The following LRP2 variants were observed in gnomAD, a reference collection of about 807,000 sequenced individuals.
LRP2 encodes the protein low-density lipoprotein receptor-related protein 2.
Under a neutral mutation model 531.0 loss-of-function variants are expected in LRP2, and 172 were observed. The observed-to-expected ratio is 0.32, with a 90% CI of 0.29 to 0.37. The LOEUF (loss-of-function observed/expected upper bound fraction) is 0.37, where lower values mean the gene tolerates loss of function less well. Ranked by LOEUF, LRP2 falls within the 10% of genes least tolerant of loss-of-function variation. LRP2 has a pLI of 1.00. For missense variants in LRP2, 5,167 were observed against 5,868.3 expected, an observed-to-expected ratio of 0.88 and a Z score of 3.90; for synonymous variants, 1,992 against 2,027.6, an observed-to-expected ratio of 0.98 and a Z score of 0.47.
intron 13 of LRP2, among the ~76,000 whole-genome samples, chr2:169,276,145 G>A (rs1468190875): frequency 1.3e-5 from 2 of 152,126 alleles, no homozygotes; most frequent in Non-Finnish European, 2.9e-5. Flanking sequence ...GAAACCTAAG[G>A]TGGCAGGTTA....
At chr2:169,274,562 C>A (rs1012271306) in intron 14 of LRP2, among the ~76,000 whole-genome samples, 1 of 152,052 alleles carries the variant, frequency 6.6e-6, no homozygotes, top group Non-Finnish European at 1.5e-5. Context: ...TTAATCAGAA[C>A]CAAAGAACAG....
intron 4 of LRP2, among the ~76,000 whole-genome samples, chr2:169,299,189 G>T (rs184492863): frequency 2.0e-4 from 30 of 150,546 alleles, no homozygotes; most frequent in Non-Finnish European, 2.8e-4. Flanking sequence ...AAGAAAGAAA[G>T]AAATTCAGCA....
intron 16 of LRP2, among the ~76,000 whole-genome samples, chr2:169,268,354 C>T (rs1429728596): frequency 6.6e-6 from 1 of 152,046 alleles, no homozygotes; most frequent in African/African-American, 2.4e-5. Context: ...TGCAAAAATC[C>T]TCAATAAAAT....
At chr2:169,211,811 G>C (rs1688603822) in intron 37 of LRP2, among the ~76,000 whole-genome samples, 157 bp downstream of exon 37, 1 of 152,142 alleles carries the variant, frequency 6.6e-6, no homozygotes, top group Admixed American at 6.5e-5. Context: ...ACACACTAAA[G>C]TTTGAAAAAC....
intron 30 of LRP2, among the ~76,000 whole-genome samples, chr2:169,232,428 T>C (rs1382973579): frequency 6.8e-6 from 1 of 147,342 alleles, no homozygotes; most frequent in Non-Finnish European, 1.5e-5. Context: ...AGATTATTAA[T>C]CCATTCATTC....
chr2:169,147,000 A>G lies in LRP2; in HGVS notation c.12591-41T>C, dbSNP rs770705478. ...TCTTCACTGTAGCATCTCACCTGGT[A>G]AGACTTCTCCACTACAGCAGAGCAC... On this transcript the variant is annotated intron_variant, in intron 68 of 78. Coordinates refer to ENST00000649046, the MANE Select transcript of LRP2 (RefSeq NM_004525.3). 27 of 1,454,830 alleles carry G rather than the reference A, an allele frequency of 1.9e-5. No homozygotes were observed. In the African/African-American group the frequency reaches 3.5e-4, roughly 19 times the overall value. 90.1% of individuals were successfully genotyped at this position (1,454,830 alleles called of 1,614,324 possible). A position where few individuals can be genotyped will look rare whatever the true frequency, so the allele number is the denominator to read the frequency against.
chr2:169,338,387 A>AGAAAGAAG (rs1257973563), intron 1 of LRP2, among the ~76,000 whole-genome samples: 1 of 129,120 alleles, frequency 7.7e-6, no homozygotes, highest in Non-Finnish European at 1.6e-5. Context: ...AAAGAAAGAA[A>AGAAAGAAG]GAAAGAAAGA....
intron 63 of LRP2, among the ~76,000 whole-genome samples, chr2:169,160,373 G>A (rs1686530528): frequency 6.6e-6 from 1 of 152,004 alleles, no homozygotes; most frequent in Admixed American, 6.6e-5. Flanking sequence ...ACATCAAAAT[G>A]TCATGTTGTA....
At chr2:169,230,611 A>G (rs1211811831) in intron 31 of LRP2, among the ~76,000 whole-genome samples, 1 of 152,242 alleles carries the variant, frequency 6.6e-6, no homozygotes, top group Non-Finnish European at 1.5e-5. Flanking sequence ...GTATCAAAAT[A>G]TATTCATTCA....
intron 33 of LRP2, 93 bp downstream of exon 33, chr2:169,225,217 G>A (rs1178181699): frequency 1.5e-6 from 2 of 1,346,712 alleles, no homozygotes; most frequent in African/African-American, 1.4e-5. Flanking sequence ...GCTTAAAAAT[G>A]ATTCCAAAAT....
At chr2:169,319,591 C>T (rs1226549120) in intron 2 of LRP2, among the ~76,000 whole-genome samples, 1 of 152,162 alleles carries the variant, frequency 6.6e-6, no homozygotes, top group African/African-American at 2.4e-5. Flanking sequence ...GATACACTGC[C>T]CTTGCCTTTT....
rs911959660 is a variant in LRP2, at chr2:169,193,181, C to T, written c.8830+580G>A. On this transcript the variant is annotated intron_variant, in intron 47 of 78. Transcript: ENST00000649046. ...GTGGCTCATGCTTGTAATCCCAGCA[C>T]TTTGGGAGGCCAAGGCAAGAGGACT... is the stretch of plus-strand genomic sequence containing the variant. Among the ~76,000 whole-genome samples the T allele has an allele frequency of 2.2e-4, 34 of 152,052 alleles. 1 individual carries two copies. Among genetic ancestry groups the T allele is most frequent in the South Asian group, 2.1e-4 (1 of 4,824 alleles).
chr2:169,148,986 T>G (rs532351877), intron 68 of LRP2, among the ~76,000 whole-genome samples: 1 of 152,320 alleles, frequency 6.6e-6, no homozygotes, highest in East Asian at 1.9e-4. Context: ...ACTTTCTCCA[T>G]AGAGCTTCCC....
At chr2:169,246,358 C>T (rs189721509) in intron 21 of LRP2, among the ~76,000 whole-genome samples, 5 of 152,226 alleles carry the variant, frequency 3.3e-5, no homozygotes, top group East Asian at 1.9e-4. Context: ...CCTCCTGTCT[C>T]GGCCTCCGAT....
rs866970066 is a variant in LRP2 at position 169,150,819 on chromosome 2, A to G, written c.12590+79T>C. On this transcript the variant is annotated intron_variant, in intron 68 of 78. Coordinates refer to ENST00000649046, the MANE Select transcript of LRP2 (RefSeq NM_004525.3). Reference sequence around the variant, plus strand: ...GACAATTTCAGTTAAACTAGGAAAAAAAAATTATAAGAAACATGGAATTTG... The same window carrying G: ...GACAATTTCAGTTAAACTAGGAAAAGAAAATTATAAGAAACATGGAATTTG... 4 of 1,590,182 alleles carry G rather than the reference A, an allele frequency of 2.5e-6. 1 individual carries two copies. In the Middle Eastern group the frequency reaches 7.3e-4, roughly 291 times the overall value.
At chr2:169,280,251 A>G (rs1199437751) in intron 11 of LRP2, 99 bp downstream of exon 11, 2 of 1,355,086 alleles carry the variant, frequency 1.5e-6, no homozygotes, top group African/African-American at 1.5e-5. Context: ...CTTTTTTGTT[A>G]GAAAACAAAG....
In LRP2 at chr2:169,207,117, G is replaced by T. The variant is rs1447145795; in HGVS notation, c.6603C>A (p.Asn2201Lys). 6.2e-7 allele frequency: 1 copy of T among 1,612,282 alleles called. No individual in the cohort carries two copies. The highest frequency in any genetic ancestry group is 1.7e-5 in the Admixed American group (1 of 59,870). Residue 2201 changes from asparagine (N) to lysine (K), a missense_variant, in exon 39 of 79, where the codon AAC becomes AAA. Transcript: ENST00000649046. ...CATAGTCAGCCCAGAAGAGGTATCT[G>T]TTCTTGGGATCTACAACAATATGCC... is the stretch of plus-strand genomic sequence containing the variant. ...MPRHIVVDPK[N>K]RYLFWADYGQ...
Position 169,290,769 on chromosome 2 carries a change from A to G in LRP2, c.922+76T>C, listed in dbSNP as rs910331856. ...TTGTTATGCAAATGCCAACAGATAC[A>G]CTGTATTTGAACGTCTGTTCTAGAA... On this transcript the variant is annotated intron_variant, in intron 8 of 78. Transcript: ENST00000649046. 1.2e-5 allele frequency: 17 copies of G among 1,466,966 alleles called. No individual in the cohort carries two copies. The African/African-American group carries it at 1.9e-4, about 17-fold the overall frequency. The allele number at this position is 1,466,966 out of a possible 1,614,324, so 90.9% of individuals were successfully genotyped here. A position where few individuals can be genotyped will look rare whatever the true frequency, so the allele number is the denominator to read the frequency against.
In LRP2 at chr2:169,277,893, A is replaced by T. The variant is rs757901767; in HGVS notation, c.1624T>A (p.Phe542Ile). 1 of 1,614,122 alleles carries T rather than the reference A, an allele frequency of 6.2e-7. No individual in the cohort carries two copies. Among genetic ancestry groups the T allele is most frequent in the Non-Finnish European group, 8.5e-7 (1 of 1,180,014 alleles). ...LSGEPKLERA[F>I]MDGSNRKDLV... ...TCTTTACGGTTGCTGCCATCCATGA[A>T]TGCCCTTTCCAGCTTAGGTTCCCCA... Residue 542 changes from phenylalanine to isoleucine, a missense_variant, in exon 13 of 79, where the codon TTC becomes ATC. Physicochemically the swap from Phe to Ile is conservative, Grantham distance 21. This residue lies in a region of LRP2 where 2,811 missense variants were observed against 3,058.0 expected (regional missense o/e 0.92). Transcript: ENST00000649046.
Sources: gnomAD v4.1 joint callset for allele counts (sites outside exome capture counted in the v4.1 genomes callset) on GRCh38, gnomAD v4.1.1 for gene constraint, gnomAD v4.1.1 regional missense constraint, MANE v1.5 for transcripts, NCBI Gene and HGNC (gene_info 2026-07-23, HGNC 2026-07-21) for gene names.